Variants in PUS7 observed in about 807,000 individuals in gnomAD.
PUS7 encodes the protein pseudouridine synthase 7.
In PUS7, 48 loss-of-function variants were observed where a neutral mutation model predicts 79.8. The ratio of observed to expected loss-of-function variants is 0.60; its 90% CI spans 0.48 to 0.76. The LOEUF is 0.76. PUS7 is among the 30% of genes least tolerant of loss of function. The pLI is 0.00. For missense variants in PUS7, 729 were observed against 797.6 expected (o/e 0.91, Z 1.04); for synonymous variants, 286 against 272.2 (o/e 1.05, Z -0.50).
At chr7:105,472,833 A>G (rs1016957583) in intron 9 of PUS7, among the ~76,000 whole-genome samples, 1 of 151,766 alleles carries the variant, frequency 6.6e-6, no homozygotes, top group Non-Finnish European at 1.5e-5. Flanking sequence ...GGCTCACTGC[A>G]ACCTCTGCCT....
intron 1 of PUS7, among the ~76,000 whole-genome samples, chr7:105,520,167 T>C (rs1216282421): frequency 1.3e-5 from 2 of 151,432 alleles, no homozygotes; most frequent in Non-Finnish European, 2.9e-5. Flanking sequence ...CTACTAAAAA[T>C]ACAAAAATTA....
chr7:105,480,519 G>A lies in PUS7; in HGVS notation c.1175+533C>T, dbSNP rs1824278133. 1.3e-5 allele frequency among the ~76,000 whole-genome samples: 2 copies of A among 152,156 alleles called. 1 individual carries two copies. Among genetic ancestry groups the A allele is most frequent in the Admixed American group, 1.3e-4 (2 of 15,266 alleles). ...TAGCTGGGTGTGGAGGCTCATGCCTGTAATCCCAGCAGTTTGGGAGGCTGA... is the reference window on the plus strand; with the variant it reads ...TAGCTGGGTGTGGAGGCTCATGCCTATAATCCCAGCAGTTTGGGAGGCTGA... On this transcript the variant is annotated intron_variant, in intron 9 of 15. Transcript: ENST00000469408.
chr7:105,484,748 G>T (rs1824475994), intron 7 of PUS7, among the ~76,000 whole-genome samples: 1 of 150,660 alleles, frequency 6.6e-6, no homozygotes. Flanking sequence ...AGCCCGGGAG[G>T]CAGAGGTTGC....
At chr7:105,514,794 TC>T (rs768301438) in intron 1 of PUS7, among the ~76,000 whole-genome samples, 20,060 of 150,474 alleles carry the variant, frequency 0.13, 1,750 homozygotes, top group South Asian at 0.25. Flanking sequence ...AAATTCTCTC[TC>T]ATTTTTTTTT....
At chr7:105,513,041 G>A (rs925036237) in intron 1 of PUS7, among the ~76,000 whole-genome samples, 12 of 152,188 alleles carry the variant, frequency 7.9e-5, no homozygotes, top group Admixed American at 7.9e-4. Flanking sequence ...AGAAGAGCAG[G>A]TGTTGGAAGA....
intron 1 of PUS7, among the ~76,000 whole-genome samples, chr7:105,514,991 A>T (rs560916703): frequency 1.3e-5 from 2 of 152,138 alleles, no homozygotes; most frequent in Admixed American, 6.6e-5. Context: ...AGACTGGGTT[A>T]CACTGTGTCA....
intron 12 of PUS7, among the ~76,000 whole-genome samples, chr7:105,466,204 C>T (rs1420063690): frequency 6.6e-6 from 1 of 151,646 alleles, no homozygotes; most frequent in Non-Finnish European, 1.5e-5. Flanking sequence ...ATCCTTCTGT[C>T]TTTTCTACTC....
chr7:105,468,398 T>C lies in PUS7; in HGVS notation c.1464A>G (p.Val488=), dbSNP rs767617963. ...GTCCATAGTCTTCTATCCTCTTGCT[T>C]ACCATGTTATTCCACACATAGCTTT... ...SYQSYVWNNM[V]SKRIEDYGLK... The change falls in exon 12 of 16, where the codon GTA becomes GTG. Residue 488 remains valine, a synonymous_variant. Transcript: ENST00000469408. 1 of 1,613,728 alleles carries C rather than the reference T, an allele frequency of 6.2e-7. No homozygotes were observed. Among genetic ancestry groups the C allele is most frequent in the Non-Finnish European group, 8.5e-7 (1 of 1,179,724 alleles).
At chr7:105,485,862 C>G (rs554618362) in intron 7 of PUS7, among the ~76,000 whole-genome samples, 1 of 151,992 alleles carries the variant, frequency 6.6e-6, no homozygotes, top group Non-Finnish European at 1.5e-5. Context: ...GTGGTGCGAT[C>G]TAAGCTTACT....
intron 9 of PUS7, 62 bp from the exon 10 acceptor site, chr7:105,472,255 A>C: frequency 4.9e-6 from 5 of 1,017,920 alleles, no homozygotes; most frequent in Non-Finnish European, 7.6e-6. Flanking sequence ...TATATGCACA[A>C]ATCTTTGAAG....
intron 14 of PUS7, among the ~76,000 whole-genome samples, chr7:105,461,285 G>A (rs1316326303): frequency 4.6e-5 from 7 of 152,058 alleles, no homozygotes; most frequent in African/African-American, 1.7e-4. Context: ...TTAGAAATAG[G>A]AAAAAAGTTC....
At chr7:105,499,404 G>A (rs774638476) in intron 5 of PUS7, among the ~76,000 whole-genome samples, 3 of 152,108 alleles carry the variant, frequency 2.0e-5, no homozygotes, top group Non-Finnish European at 4.4e-5. Context: ...ATTTCAGAAA[G>A]TATAGAGAAC....
chr7:105,494,813 A>G lies in PUS7; in HGVS notation c.842+329T>C, dbSNP rs181294512. 2.0e-5 allele frequency among the ~76,000 whole-genome samples: 3 copies of G among 152,006 alleles called. No homozygotes were observed. The East Asian group carries it at 5.8e-4, about 29-fold the overall frequency. ...GGCAATATAGTGAGACTCTGTCTCT[A>G]AAACCTAATAAAATTAGCCTGGCAT... On this transcript the variant is annotated intron_variant, in intron 6 of 15. Coordinates refer to ENST00000469408, the MANE Select transcript of PUS7 (RefSeq NM_019042.5).
At chr7:105,466,348 C>T (rs944702373) in intron 12 of PUS7, among the ~76,000 whole-genome samples, 2 of 151,974 alleles carry the variant, frequency 1.3e-5, no homozygotes, top group African/African-American at 4.8e-5. Context: ...GCCTCAACCT[C>T]CTGGGCTCAA....
intron 4 of PUS7, among the ~76,000 whole-genome samples, chr7:105,504,820 G>A (rs184950620): frequency 6.6e-6 from 1 of 152,210 alleles, no homozygotes; most frequent in East Asian, 1.9e-4. Context: ...AGTAATGGAA[G>A]ATTTCTAACA....
intron 8 of PUS7, among the ~76,000 whole-genome samples, chr7:105,481,546 T>C (rs1824319479): frequency 6.6e-6 from 1 of 152,172 alleles, no homozygotes; most frequent in South Asian, 2.1e-4. Flanking sequence ...ATATGCACAA[T>C]GTTGGACAAT....
chr7:105,458,348 C>T (rs918635813), intron 15 of PUS7, among the ~76,000 whole-genome samples: 9 of 151,880 alleles, frequency 5.9e-5, no homozygotes, highest in Non-Finnish European at 8.8e-5. Context: ...GCAGCCTCCA[C>T]CTCCCGGGTT....
chr7:105,459,988 G>T (rs927765051), intron 14 of PUS7, among the ~76,000 whole-genome samples: 5 of 152,148 alleles, frequency 3.3e-5, no homozygotes, highest in Non-Finnish European at 5.9e-5. Context: ...GCCCAGGCTG[G>T]AGTGTAGTGG....
At chr7:105,505,003 A>ATTTTTTTTTTTTTTTTTTTTTTTTTTTTT (rs112752687) in intron 4 of PUS7, among the ~76,000 whole-genome samples, 2 of 142,682 alleles carry the variant, frequency 1.4e-5, no homozygotes, top group African/African-American at 2.6e-5. Flanking sequence ...ATTTAACATA[A>ATTTTTTTTTTTTTTTTTTTTTTTTTTTTT]TTTTTTTTTT....
Sources: allele counts gnomAD v4.1 joint callset (sites outside exome capture counted in the v4.1 genomes callset), GRCh38; gene constraint gnomAD v4.1.1; transcripts MANE v1.5; gene names NCBI Gene and HGNC (gene_info 2026-07-23, HGNC 2026-07-21).